The following ZNF536 variants were observed in gnomAD, a reference collection of about 807,000 sequenced individuals.
ZNF536 encodes the protein zinc finger protein 536.
Under a neutral mutation model 84.5 loss-of-function variants are expected in ZNF536, and 13 were observed. That is an observed-to-expected ratio of 0.15 (90% CI 0.10 to 0.24). The LOEUF (loss-of-function observed/expected upper bound fraction) is 0.24. Among genes scored for constraint, ZNF536 ranks in the 10% least tolerant of loss-of-function variants. The pLI, the probability that ZNF536 is intolerant of heterozygous loss-of-function variation, is 1.00. For synonymous variants in ZNF536, 811 were observed against 742.5 expected, an observed-to-expected ratio of 1.09 and a Z score of -1.50; for missense variants, 1,536 against 1,747.5, an observed-to-expected ratio of 0.88 and a Z score of 2.16.
At chr19:30,604,207 T>C (rs930924197) in intron 1 of ZNF536, among the ~76,000 whole-genome samples, 5 of 152,206 alleles carry the variant, frequency 3.3e-5, no homozygotes, top group Non-Finnish European at 5.9e-5. Flanking sequence ...GAATGACTGG[T>C]AAGATGCTAA....
chr19:30,660,260 C>T (rs1389091772), intron 1 of ZNF536, among the ~76,000 whole-genome samples: 2 of 152,138 alleles, frequency 1.3e-5, no homozygotes, highest in African/African-American at 4.8e-5. Context: ...TTTCAGCACC[C>T]AGGCTCTCTT....
chr19:30,553,664 G>A (rs889803783), intron 4 of ZNF536, among the ~76,000 whole-genome samples: 3 of 152,232 alleles, frequency 2.0e-5, no homozygotes, highest in Admixed American at 2.0e-4. Flanking sequence ...TGAACTGGTA[G>A]CATCTGTAAG....
At chr19:30,366,538 C>T (rs916808801) in intron 3 of ZNF536, among the ~76,000 whole-genome samples, 1 of 151,906 alleles carries the variant, frequency 6.6e-6, no homozygotes, top group Non-Finnish European at 1.5e-5. Context: ...TCTCTATATA[C>T]AGATAGATCT....
intron 1 of ZNF536, among the ~76,000 whole-genome samples, chr19:30,570,413 G>A (rs372530878): frequency 1.5e-3 from 234 of 152,234 alleles, no homozygotes; most frequent in African/African-American, 5.5e-3. Context: ...AGAGGCAGCC[G>A]GGAGCCAGCC....
intron 4 of ZNF536, among the ~76,000 whole-genome samples, chr19:30,550,399 T>C (rs775171808): frequency 6.6e-6 from 1 of 152,224 alleles, no homozygotes; most frequent in Non-Finnish European, 1.5e-5. Context: ...CACCCTGATA[T>C]CTGTATTTGG....
chr19:30,389,313 G>T (rs2049481146), intron 1 of ZNF536, among the ~76,000 whole-genome samples: 1 of 152,118 alleles, frequency 6.6e-6, no homozygotes, highest in African/African-American at 2.4e-5. Flanking sequence ...AGGTTTCCTG[G>T]GAGGGCGAGC....
At chr19:30,662,920 A>T (rs557204648) in intron 1 of ZNF536, among the ~76,000 whole-genome samples, 34 of 133,668 alleles carry the variant, frequency 2.5e-4, no homozygotes, top group African/African-American at 7.9e-4. Flanking sequence ...AAAAGGGAAA[A>T]TTTTTTCTCT....
chr19:30,330,498 G>A (rs960226923), intron 2 of ZNF536, among the ~76,000 whole-genome samples: 7 of 152,172 alleles, frequency 4.6e-5, no homozygotes, highest in Non-Finnish European at 7.3e-5. Context: ...GGATGGGGAG[G>A]CCTCGTTACA....
intron 2 of ZNF536, among the ~76,000 whole-genome samples, chr19:30,295,146 C>T (rs182104846): frequency 2.0e-5 from 3 of 152,174 alleles, no homozygotes. Context: ...ACTTAACAGG[C>T]TCCCAAGAGA....
chr19:30,334,205 T>A (rs1179489837), intron 2 of ZNF536, among the ~76,000 whole-genome samples: 1 of 152,212 alleles, frequency 6.6e-6, no homozygotes, highest in Non-Finnish European at 1.5e-5. Flanking sequence ...TTCCTGCATG[T>A]AGAAAGAGTC....
At chr19:30,536,217 C>A (rs1028804879) in intron 3 of ZNF536, among the ~76,000 whole-genome samples, 1 of 152,202 alleles carries the variant, frequency 6.6e-6, no homozygotes, top group Non-Finnish European at 1.5e-5. Flanking sequence ...TTCTGAAACA[C>A]CACCTGCATT....
chr19:30,608,228 T>G (rs923604071), intron 1 of ZNF536, among the ~76,000 whole-genome samples: 2 of 152,222 alleles, frequency 1.3e-5, no homozygotes, highest in Admixed American at 6.5e-5. Context: ...GAATGAATCT[T>G]GAAACCTTCA....
chr19:30,519,523 G>C (rs1278798565), intron 2 of ZNF536, among the ~76,000 whole-genome samples: 2 of 152,204 alleles, frequency 1.3e-5, no homozygotes, highest in Non-Finnish European at 2.9e-5. Flanking sequence ...CAAGGGAATG[G>C]AGCCCTGGGA....
intron 1 of ZNF536, among the ~76,000 whole-genome samples, chr19:30,378,057 G>A (rs934659907): frequency 6.6e-6 from 1 of 152,146 alleles, no homozygotes; most frequent in African/African-American, 2.4e-5. Context: ...GTCTCAACAT[G>A]GTCTGAGAGT....
At chr19:30,262,309 G>A (rs1294756500) in intron 1 of ZNF536, among the ~76,000 whole-genome samples, 4 of 152,222 alleles carry the variant, frequency 2.6e-5, no homozygotes, top group Non-Finnish European at 5.9e-5. Context: ...GGTGGGAAGG[G>A]ACAGTCATGG....
intron 1 of ZNF536, among the ~76,000 whole-genome samples, chr19:30,419,475 A>AGAAT (rs1289905350): frequency 6.6e-6 from 1 of 152,240 alleles, no homozygotes; most frequent in Non-Finnish European, 1.5e-5. Context: ...GTACTTCCTA[A>AGAAT]GAATGCCCTT....
intron 2 of ZNF536, among the ~76,000 whole-genome samples, chr19:30,328,276 C>G (rs2047101023): frequency 6.6e-6 from 1 of 152,146 alleles, no homozygotes; most frequent in Admixed American, 6.5e-5. Flanking sequence ...CCAGGAGCTC[C>G]TTGAGAAATA....
At chr19:30,262,272 G>A (rs114382042) in intron 1 of ZNF536, among the ~76,000 whole-genome samples, 2,266 of 152,306 alleles carry the variant, frequency 0.015, 52 homozygotes, top group African/African-American at 0.052. Flanking sequence ...CATGGCGGCT[G>A]CCCAGGACAT....
intron 1 of ZNF536, among the ~76,000 whole-genome samples, chr19:30,647,119 T>A (rs1433004541): frequency 1.3e-5 from 2 of 152,218 alleles, no homozygotes; most frequent in Non-Finnish European, 2.9e-5. Flanking sequence ...TCCTTTTTGT[T>A]ACTTTTTCAA....
Sources: gnomAD v4.1 joint callset for allele counts (sites outside exome capture counted in the v4.1 genomes callset) on GRCh38, gnomAD v4.1.1 for gene constraint, MANE v1.5 for transcripts, NCBI Gene and HGNC (gene_info 2026-07-23, HGNC 2026-07-21) for gene names.